The following CPQ variants were observed in gnomAD, a reference collection of about 807,000 sequenced individuals.
The protein encoded by CPQ is Ser-Met dipeptidase.
In CPQ, 37 loss-of-function variants were observed where a neutral mutation model predicts 45.7. The observed-to-expected ratio is 0.81, with a 90% CI of 0.62 to 1.07. The LOEUF (loss-of-function observed/expected upper bound fraction) is 1.07, where lower values mean the gene tolerates loss of function less well. Among genes scored for constraint, CPQ ranks in the 50% least tolerant of loss-of-function variants. The pLI, the probability that CPQ is intolerant of heterozygous loss-of-function variation, is 0.00. For missense variants in CPQ, 537 were observed against 572.9 expected (o/e 0.94, Z 0.64); for synonymous variants, 186 against 205.8 (o/e 0.90, Z 0.82).
chr8:97,139,545 C>T (rs78059637), intron 7 of CPQ, among the ~76,000 whole-genome samples: 2,770 of 151,980 alleles, frequency 0.018, 32 homozygotes, highest in Non-Finnish European at 0.025. Flanking sequence ...ATCATACAGC[C>T]AACATTCTCT....
intron 1 of CPQ, among the ~76,000 whole-genome samples, chr8:96,648,777 C>A (rs565188270): frequency 2.0e-5 from 3 of 152,006 alleles, no homozygotes; most frequent in East Asian, 1.9e-4. Context: ...AAAGACCAAG[C>A]AGAGGGAGAA....
intron 2 of CPQ, among the ~76,000 whole-genome samples, chr8:96,832,427 C>T (rs1045190781): frequency 3.9e-5 from 6 of 152,102 alleles, no homozygotes; most frequent in Non-Finnish European, 7.4e-5. Context: ...AGCACAACTC[C>T]AGGGGTGCTT....
At chr8:97,094,748 G>A (rs1000771204) in intron 7 of CPQ, among the ~76,000 whole-genome samples, 4 of 150,528 alleles carry the variant, frequency 2.7e-5, no homozygotes, top group East Asian at 3.9e-4. Context: ...TCAAGTATTC[G>A]CCATTAAAAT....
intron 1 of CPQ, among the ~76,000 whole-genome samples, chr8:96,726,485 G>C (rs1470840273): frequency 1.3e-5 from 2 of 152,068 alleles, no homozygotes; most frequent in Non-Finnish European, 2.9e-5. Flanking sequence ...GAGGCCTCAG[G>C]AAACATACAA....
At chr8:96,942,516 A>G (rs2130325145) in intron 4 of CPQ, among the ~76,000 whole-genome samples, 1 of 152,262 alleles carries the variant, frequency 6.6e-6, no homozygotes, top group East Asian at 1.9e-4. Context: ...TTGGGGTATA[A>G]AAGAGGTGAG....
intron 2 of CPQ, among the ~76,000 whole-genome samples, chr8:96,792,608 C>T (rs1274613421): frequency 2.0e-5 from 3 of 152,078 alleles, no homozygotes; most frequent in East Asian, 3.9e-4. Context: ...TTAGGGGGCT[C>T]CTGGCGGCCT....
At chr8:96,723,958 A>T (rs1413413736) in intron 1 of CPQ, among the ~76,000 whole-genome samples, 1 of 152,074 alleles carries the variant, frequency 6.6e-6, no homozygotes, top group Non-Finnish European at 1.5e-5. Flanking sequence ...AATTTTTAAT[A>T]TATAAGTACC....
chr8:96,782,707 G>A (rs9642937), intron 1 of CPQ, among the ~76,000 whole-genome samples: 95,074 of 151,966 alleles, frequency 0.63, 30,431 homozygotes, highest in East Asian at 0.88. Flanking sequence ...CTTAAATTAT[G>A]AATACTGTCT....
intron 2 of CPQ, among the ~76,000 whole-genome samples, chr8:96,797,477 G>A (rs1160305040): frequency 6.6e-6 from 1 of 152,138 alleles, no homozygotes; most frequent in Non-Finnish European, 1.5e-5. Flanking sequence ...ATAGCATTGT[G>A]GTCCTCTGTG....
intron 7 of CPQ, among the ~76,000 whole-genome samples, chr8:97,076,534 A>G (rs900703514): frequency 2.6e-5 from 4 of 152,160 alleles, no homozygotes; most frequent in African/African-American, 4.8e-5. Flanking sequence ...GTTTCTTGTA[A>G]TCTGTAGGTT....
chr8:96,766,800 G>C (rs1810473266), intron 1 of CPQ, among the ~76,000 whole-genome samples: 1 of 152,128 alleles, frequency 6.6e-6, no homozygotes, highest in Non-Finnish European at 1.5e-5. Context: ...CCTTTAGGGG[G>C]CGTTCTGACT....
intron 7 of CPQ, among the ~76,000 whole-genome samples, chr8:97,067,421 C>T (rs1810658291): frequency 1.3e-5 from 2 of 152,126 alleles, no homozygotes; most frequent in African/African-American, 4.8e-5. Flanking sequence ...GGATGCCTAA[C>T]ATTTGAACAG....
chr8:96,954,309 A>C (rs1813317170), intron 4 of CPQ, among the ~76,000 whole-genome samples: 1 of 152,090 alleles, frequency 6.6e-6, no homozygotes, highest in African/African-American at 2.4e-5. Flanking sequence ...ACATGGCTAC[A>C]ATCGACTAAT....
chr8:96,674,103 A>G (rs1397855297), intron 1 of CPQ, among the ~76,000 whole-genome samples: 2 of 152,202 alleles, frequency 1.3e-5, no homozygotes, highest in African/African-American at 2.4e-5. Flanking sequence ...CAGTATGTCA[A>G]CCATTTTTAG....
chr8:96,830,766 A>G (rs1811446486), intron 2 of CPQ, among the ~76,000 whole-genome samples: 1 of 152,162 alleles, frequency 6.6e-6, no homozygotes, highest in African/African-American at 2.4e-5. Context: ...GATGAGCAAG[A>G]TTCTTACAGA....
At chr8:97,020,167 T>C (rs961512213) in intron 5 of CPQ, among the ~76,000 whole-genome samples, 2 of 152,094 alleles carry the variant, frequency 1.3e-5, no homozygotes, top group African/African-American at 4.8e-5. Flanking sequence ...ATTAAAAAAT[T>C]CTTTGAACTG....
intron 4 of CPQ, among the ~76,000 whole-genome samples, chr8:96,902,175 G>C (rs1439237544): frequency 6.6e-6 from 1 of 152,110 alleles, no homozygotes; most frequent in Non-Finnish European, 1.5e-5. Flanking sequence ...TTAGGAGACT[G>C]AAAAGAAAGG....
At chr8:96,660,711 A>G (rs1815690719) in intron 1 of CPQ, among the ~76,000 whole-genome samples, 1 of 151,698 alleles carries the variant, frequency 6.6e-6, no homozygotes, top group Non-Finnish European at 1.5e-5. Flanking sequence ...ACTCTTTAAC[A>G]TTATTGGTGA....
chr8:96,895,998 GT>G (rs1442498242), intron 4 of CPQ, among the ~76,000 whole-genome samples: 1 of 152,002 alleles, frequency 6.6e-6, no homozygotes, highest in African/African-American at 2.4e-5. Flanking sequence ...TATCAGAAGG[GT>G]TTTGAGTTTA....
Sources: gnomAD v4.1 joint callset for allele counts (sites outside exome capture counted in the v4.1 genomes callset) on GRCh38, gnomAD v4.1.1 for gene constraint, MANE v1.5 for transcripts, NCBI Gene and HGNC (gene_info 2026-07-23, HGNC 2026-07-21) for gene names.